Variants in NEMP2 observed in about 807,000 individuals in gnomAD.
NEMP2 encodes the protein UPF0571 transmembrane protein.
Under a neutral mutation model 54.2 loss-of-function variants are expected in NEMP2, and 53 were observed. The ratio of observed to expected loss-of-function variants is 0.98; its 90% confidence interval spans 0.78 to 1.23. NEMP2 has a LOEUF of 1.23. NEMP2 is among the 50% of genes most tolerant of loss of function. NEMP2 has a pLI of 0.00. For missense variants in NEMP2, 455 were observed against 511.3 expected (o/e 0.89, Z 1.06); for synonymous variants, 197 against 190.3 (o/e 1.04, Z -0.29).
the NEMP2 span, among the ~76,000 whole-genome samples, chr2:190,496,640 A>G: frequency 3.3e-5 from 5 of 152,016 alleles, no homozygotes; most frequent in South Asian, 1.0e-3. This position sits in a 1 kb window ranked among gnomAD's most constrained non-coding sequence, Gnocchi z 4.7. Context: ...ATGTGTGTAT[A>G]TATATGTATA....
At chr2:190,567,555 T>G in the NEMP2 span, among the ~76,000 whole-genome samples, 1 of 151,898 alleles carries the variant, frequency 6.6e-6, no homozygotes, top group African/African-American at 2.4e-5. This position sits in a 1 kb window ranked among gnomAD's most constrained non-coding sequence, Gnocchi z 4.0. Context: ...ATGCTAAGAG[T>G]AGGTATCAGA....
chr2:190,522,139 A>G lies in NEMP2; in HGVS notation c.214-2956T>C, dbSNP rs1690772586. Reference sequence around the variant, plus strand: ...CCTTTGTATAGAGTTTTAACTTTTAAGCCATATTAATGTTGTAGATACTTA... The same window carrying G: ...CCTTTGTATAGAGTTTTAACTTTTAGGCCATATTAATGTTGTAGATACTTA... On this transcript the variant is annotated intron_variant, in intron 2 of 8. Coordinates refer to ENST00000409150, the MANE Select transcript of NEMP2 (RefSeq NM_001142645.2). This position sits in a 1 kb window ranked among gnomAD's most constrained non-coding sequence, Gnocchi z 5.0. Among the ~76,000 whole-genome samples, 1 of 152,186 alleles carries G rather than the reference A, an allele frequency of 6.6e-6. No homozygotes were observed. The highest frequency in any genetic ancestry group is 2.1e-4 in the South Asian group (1 of 4,832).
the NEMP2 span, among the ~76,000 whole-genome samples, chr2:190,563,208 A>G: frequency 6.6e-6 from 1 of 151,856 alleles, no homozygotes; most frequent in Non-Finnish European, 1.5e-5. The surrounding 1 kb of genome is among the most constrained non-coding windows in gnomAD (Gnocchi z 4.3). Flanking sequence ...CCTGCCACCC[A>G]CTCATCACCC....
the NEMP2 span, among the ~76,000 whole-genome samples, chr2:190,574,221 A>G: frequency 6.6e-6 from 1 of 152,260 alleles, no homozygotes; most frequent in Non-Finnish European, 1.5e-5. Context: ...ATGAACAGAA[A>G]TAAATTGAGT....
At chr2:190,567,879 C>A in the NEMP2 span, among the ~76,000 whole-genome samples, 1 of 152,104 alleles carries the variant, frequency 6.6e-6, no homozygotes, top group African/African-American at 2.4e-5. This position sits in a 1 kb window ranked among gnomAD's most constrained non-coding sequence, Gnocchi z 4.0. Flanking sequence ...GATCTCTTGA[C>A]CTTGCGATTC....
At chr2:190,618,507 G>A in the NEMP2 span, among the ~76,000 whole-genome samples, 2 of 151,978 alleles carry the variant, frequency 1.3e-5, no homozygotes, top group South Asian at 2.1e-4. Flanking sequence ...CCCGCTCTTC[G>A]ACCAAAGATA....
chr2:190,622,449 C>T, the NEMP2 span, among the ~76,000 whole-genome samples: 7 of 151,538 alleles, frequency 4.6e-5, no homozygotes, highest in African/African-American at 1.7e-4. Flanking sequence ...AAGGCTAAGA[C>T]ATCTAGATAT....
chr2:190,437,175 C>G, the NEMP2 span: 2 of 1,614,224 alleles, frequency 1.2e-6, no homozygotes, highest in Middle Eastern at 3.3e-4. This position sits in a 1 kb window ranked among gnomAD's most constrained non-coding sequence, Gnocchi z 5.9. Flanking sequence ...TGACCATGGC[C>G]TTGATCGTTG....
the NEMP2 span, among the ~76,000 whole-genome samples, chr2:190,563,910 C>T: frequency 2.0e-5 from 3 of 152,212 alleles, no homozygotes; most frequent in Non-Finnish European, 4.4e-5. The surrounding 1 kb of genome is among the most constrained non-coding windows in gnomAD (Gnocchi z 4.3). Context: ...CCAGGGGAGG[C>T]GGGGAGGCCA....
chr2:190,644,025 T>G, the NEMP2 span, among the ~76,000 whole-genome samples: 1 of 152,218 alleles, frequency 6.6e-6, no homozygotes, highest in Non-Finnish European at 1.5e-5. This position sits in a 1 kb window ranked among gnomAD's most constrained non-coding sequence, Gnocchi z 4.4. Flanking sequence ...TATTTTGAGA[T>G]CGTTATTCTA....
At chr2:190,548,586 T>C in the NEMP2 span, among the ~76,000 whole-genome samples, 3 of 152,276 alleles carry the variant, frequency 2.0e-5, no homozygotes, top group African/African-American at 7.2e-5. Context: ...TAGTAAGTAC[T>C]GAAATATTAT....
In NEMP2 at chr2:190,528,560, C is replaced by T. The variant is rs994681073; in HGVS notation, c.98-3182G>A. Among the ~76,000 whole-genome samples, 1 of 152,174 alleles carries T rather than the reference C, an allele frequency of 6.6e-6. No homozygotes were observed. Among genetic ancestry groups the T allele is most frequent in the Non-Finnish European group, 1.5e-5 (1 of 68,026 alleles). On this transcript the variant is annotated intron_variant, in intron 1 of 8. Transcript: ENST00000409150. This position sits in a 1 kb window ranked among gnomAD's most constrained non-coding sequence, Gnocchi z 4.3. ...GCCCAAACTATGATAATAATGTTTA[C>T]TTCCAGACAGGTCTTTCTTCACCAC...
At chr2:190,446,631 A>G in the NEMP2 span, among the ~76,000 whole-genome samples, 2 of 152,182 alleles carry the variant, frequency 1.3e-5, no homozygotes, top group African/African-American at 4.8e-5. Context: ...TTCATTTATA[A>G]AGAAGCTAAT....
the NEMP2 span, among the ~76,000 whole-genome samples, chr2:190,432,410 TTTC>T: frequency 6.6e-6 from 1 of 152,098 alleles, no homozygotes; most frequent in African/African-American, 2.4e-5. Flanking sequence ...AACCTCTGTG[TTTC>T]TTGTTTGTTT....
At chr2:190,595,695 C>T in the NEMP2 span, among the ~76,000 whole-genome samples, 38 of 152,112 alleles carry the variant, frequency 2.5e-4, no homozygotes, top group East Asian at 1.4e-3. This position sits in a 1 kb window ranked among gnomAD's most constrained non-coding sequence, Gnocchi z 4.0. Flanking sequence ...AAAACCACAA[C>T]GAGATACCAT....
the NEMP2 span, chr2:190,610,952 G>A: frequency 2.6e-5 from 4 of 152,110 alleles, no homozygotes; most frequent in East Asian, 1.9e-4. The surrounding 1 kb of genome is among the most constrained non-coding windows in gnomAD (Gnocchi z 5.4). Flanking sequence ...AGTCCTGAAC[G>A]TTTTTCCTCT....
chr2:190,447,246 ATTTTG>A, the NEMP2 span, among the ~76,000 whole-genome samples: 2 of 152,160 alleles, frequency 1.3e-5, no homozygotes, highest in South Asian at 2.1e-4. The surrounding 1 kb of genome is among the most constrained non-coding windows in gnomAD (Gnocchi z 4.5). Flanking sequence ...AGTGATTTCA[ATTTTG>A]TTTTGTTTTG....
At chr2:190,560,805 T>C in the NEMP2 span, among the ~76,000 whole-genome samples, 1 of 152,246 alleles carries the variant, frequency 6.6e-6, no homozygotes, top group Non-Finnish European at 1.5e-5. This position sits in a 1 kb window ranked among gnomAD's most constrained non-coding sequence, Gnocchi z 5.4. Context: ...CCACTTTGAC[T>C]CAATCCTGTA....
chr2:190,547,640 TTCAACC>T, the NEMP2 span, among the ~76,000 whole-genome samples: 9 of 152,152 alleles, frequency 5.9e-5, no homozygotes, highest in Non-Finnish European at 1.2e-4. This position sits in a 1 kb window ranked among gnomAD's most constrained non-coding sequence, Gnocchi z 6.2. Flanking sequence ...ATTCTCGTGC[TTCAACC>T]TCCTGAGTAG....
Sources: gnomAD v4.1 joint callset for allele counts (sites outside exome capture counted in the v4.1 genomes callset) on GRCh38, gnomAD v4.1.1 for gene constraint, Gnocchi (gnomAD v3.1) non-coding constraint, MANE v1.5 for transcripts, NCBI Gene and HGNC (gene_info 2026-07-23, HGNC 2026-07-21) for gene names.